ASAP2: variants seen among roughly 807,000 people sequenced by gnomAD.
ASAP2 encodes arf-GAP with SH3 domain, ANK repeat and PH domain-containing protein 2.
Under a neutral mutation model 131.4 loss-of-function variants are expected in ASAP2, and 45 were observed. That is an observed-to-expected ratio of 0.34 (90% confidence interval 0.27 to 0.44). The LOEUF (loss-of-function observed/expected upper bound fraction) is 0.44, where lower values mean the gene tolerates loss of function less well. ASAP2 is among the 20% of genes least tolerant of loss of function. The pLI is 1.00. For synonymous variants in ASAP2, 510 were observed against 503.0 expected (o/e 1.01, Z -0.19); for missense variants, 1,011 against 1,297.0 (o/e 0.78, Z 3.39).
chr2:9,236,652 C>A (rs1478827253), intron 1 of ASAP2, among the ~76,000 whole-genome samples: 1 of 152,048 alleles, frequency 6.6e-6, no homozygotes, highest in South Asian at 2.1e-4. Flanking sequence ...TTAAAAGCAA[C>A]TGTTATCTGT....
rs565633233 is a variant in ASAP2 at position 9,320,488 on chromosome 2, G to A, written c.470+151G>A. The stretch of plus-strand genomic sequence containing the variant: ...GTTGCTGTGGTTCATTTTGATGACA[G>A]ATGTGTTTGGTGATGCTGTCTTCTT... On this transcript the variant is annotated intron_variant, in intron 5 of 27. Transcript: ENST00000281419. 94 of 616,866 alleles carry A rather than the reference G, an allele frequency of 1.5e-4. 1 individual carries two copies. In the East Asian group the frequency reaches 1.7e-3, roughly 11 times the overall value. The allele number at this position is 616,866 out of a possible 1,614,324, so 38.2% of individuals were successfully genotyped here. A position where few individuals can be genotyped will look rare whatever the true frequency, so the allele number is the denominator to read the frequency against.
chr2:9,390,950 G>A, intron 22 of ASAP2, 112 bp from the exon 23 acceptor site: 1 of 1,531,982 alleles, frequency 6.5e-7, no homozygotes, highest in Admixed American at 1.7e-5. Flanking sequence ...GGGTCATACT[G>A]ACCGTTTCAT....
chr2:9,388,433 T>C lies in ASAP2; in HGVS notation c.2270T>C (p.Ile757Thr). 1 of 1,614,148 alleles carries C rather than the reference T, an allele frequency of 6.2e-7. No individual in the cohort carries two copies. Reference protein sequence around the residue: ...KEKQRAFMPSILQNETYGALL... With the variant: ...KEKQRAFMPSTLQNETYGALL... The stretch of plus-strand genomic sequence containing the variant: ...AAGCAGAGGGCTTTCATGCCCAGCA[T>C]CTTGCAGAATGAGACTTACGGAGCC... Residue 757 changes from isoleucine (I) to threonine (T), a missense_variant, in exon 22 of 28, where the codon ATC becomes ACC. Physicochemically the swap from Ile to Thr is moderately conservative, Grantham distance 89 (BLOSUM62 -1). Coordinates refer to ENST00000281419, the MANE Select transcript of ASAP2 (RefSeq NM_003887.3).
At chr2:9,234,110 CAAAAAAAAAAAAA>C (rs70948810) in intron 1 of ASAP2, among the ~76,000 whole-genome samples, 1 of 76,598 alleles carries the variant, frequency 1.3e-5, no homozygotes, top group South Asian at 4.9e-4. Flanking sequence ...AGCTATGTCT[CAAAAAAAAAAAAA>C]AAAAAAAAGG....
chr2:9,336,886 G>A (rs895894553), intron 9 of ASAP2, among the ~76,000 whole-genome samples: 2 of 152,232 alleles, frequency 1.3e-5, no homozygotes, highest in Non-Finnish European at 2.9e-5. Flanking sequence ...TAAGAAGGAA[G>A]ATCCAACCCA....
chr2:9,314,720 G>A (rs565421065), intron 3 of ASAP2, among the ~76,000 whole-genome samples: 1 of 151,986 alleles, frequency 6.6e-6, no homozygotes, highest in South Asian at 2.1e-4. Context: ...GATCACTTGA[G>A]GTCAGGAGTT....
intron 3 of ASAP2, among the ~76,000 whole-genome samples, chr2:9,298,830 G>T (rs1314700081): frequency 6.6e-6 from 1 of 152,166 alleles, no homozygotes; most frequent in Non-Finnish European, 1.5e-5. Flanking sequence ...TAGCTTCCTG[G>T]TGCCTCACAC....
intron 24 of ASAP2, among the ~76,000 whole-genome samples, chr2:9,396,281 CT>C (rs1676140121): frequency 6.6e-6 from 1 of 152,098 alleles, no homozygotes; most frequent in Non-Finnish European, 1.5e-5. Context: ...CTGAGATCAA[CT>C]AGGTTGACTG....
intron 2 of ASAP2, among the ~76,000 whole-genome samples, chr2:9,294,425 A>T (rs762484751): frequency 1.6e-4 from 25 of 152,200 alleles, no homozygotes; most frequent in Non-Finnish European, 7.3e-5. Context: ...ACTATCAGTG[A>T]GAAGGCCGGC....
chr2:9,398,452 C>T (rs57600562), intron 24 of ASAP2, among the ~76,000 whole-genome samples: 238 of 152,080 alleles, frequency 1.6e-3, no homozygotes, highest in African/African-American at 5.4e-3. Context: ...TCCGAGGCTG[C>T]GGTGAACTGA....
intron 7 of ASAP2, among the ~76,000 whole-genome samples, chr2:9,329,696 G>A (rs1670706838): frequency 6.6e-6 from 1 of 152,234 alleles, no homozygotes; most frequent in Admixed American, 6.5e-5. Context: ...AGCGGGAGTG[G>A]AAGGTGTGGA....
At chr2:9,216,296 T>C (rs2147956211) in intron 1 of ASAP2, among the ~76,000 whole-genome samples, 1 of 143,646 alleles carries the variant, frequency 7.0e-6, no homozygotes, top group East Asian at 2.0e-4. Context: ...TTTTTTTTTT[T>C]TTTTTTCTGA....
rs1663210697 is a variant in ASAP2 at position 9,232,118 on chromosome 2, C to T, written c.126+24888C>T. On this transcript the variant is annotated intron_variant, in intron 1 of 27. Coordinates refer to ENST00000281419, the MANE Select transcript of ASAP2 (RefSeq NM_003887.3). The surrounding 1 kb of genome is among the most constrained non-coding windows in gnomAD (Gnocchi z 4.1). ...AAAGATTTGCTCTTTAGCTTCTCAG[C>T]TGAAGACACGTTGGTGGCTTCCCTG... Among the ~76,000 whole-genome samples the T allele has an allele frequency of 1.3e-5, 2 of 152,374 alleles. No homozygotes were observed. Among genetic ancestry groups the T allele is most frequent in the African/African-American group, 4.8e-5 (2 of 41,592 alleles).
intron 1 of ASAP2, among the ~76,000 whole-genome samples, chr2:9,243,360 G>A (rs992341389): frequency 5.9e-5 from 9 of 152,120 alleles, no homozygotes; most frequent in South Asian, 2.1e-4. Flanking sequence ...CACCCACCTC[G>A]GCCTCGCAAA....
At chr2:9,273,165 C>G (rs190948871) in intron 1 of ASAP2, among the ~76,000 whole-genome samples, 2 of 152,200 alleles carry the variant, frequency 1.3e-5, no homozygotes, top group East Asian at 3.9e-4. Context: ...AATATTGATT[C>G]TTCCAGTCCA....
At chr2:9,368,664 C>A (rs1673674946) in intron 16 of ASAP2, 145 bp downstream of exon 16, 2 of 684,398 alleles carry the variant, frequency 2.9e-6, no homozygotes, top group Non-Finnish European at 4.9e-6. Context: ...TTTTCTTAGT[C>A]ACTTTAACCT....
intron 3 of ASAP2, among the ~76,000 whole-genome samples, chr2:9,304,859 G>A (rs1259619982): frequency 6.9e-6 from 1 of 145,920 alleles, no homozygotes; most frequent in African/African-American, 2.6e-5. Flanking sequence ...GGAGGAGGTT[G>A]TAATAGTGGG....
At chr2:9,343,477 C>T (rs1044424544) in intron 9 of ASAP2, among the ~76,000 whole-genome samples, 2 of 152,128 alleles carry the variant, frequency 1.3e-5, no homozygotes, top group Non-Finnish European at 2.9e-5. Flanking sequence ...GACAAGGTCT[C>T]GCTCTGTCAC....
intron 1 of ASAP2, among the ~76,000 whole-genome samples, chr2:9,269,113 C>T (rs35890230): frequency 0.23 from 34,849 of 151,746 alleles, 4,388 homozygotes; most frequent in African/African-American, 0.31. Flanking sequence ...GGCCTCAAGG[C>T]GGTATGTAGG....
Sources: allele counts gnomAD v4.1 joint callset (sites outside exome capture counted in the v4.1 genomes callset), GRCh38; gene constraint gnomAD v4.1.1; non-coding constraint Gnocchi (gnomAD v3.1); transcripts MANE v1.5; gene names NCBI Gene and HGNC (gene_info 2026-07-23, HGNC 2026-07-21).